RNF175: variants seen among roughly 807,000 people sequenced by gnomAD.
RNF175 encodes ring finger protein 175.
A neutral mutation model predicts 50.0 loss-of-function variants in RNF175; 38 were observed. The ratio of observed to expected loss-of-function variants is 0.76; its 90% CI spans 0.59 to 1.00. The LOEUF (loss-of-function observed/expected upper bound fraction) is 1.00, where lower values mean the gene tolerates loss of function less well. Ranked by LOEUF, RNF175 falls within the 50% of genes least tolerant of loss-of-function variation. RNF175 has a pLI of 0.00. For missense variants in RNF175, 388 were observed against 409.6 expected, an observed-to-expected ratio of 0.95 and a Z score of 0.46; for synonymous variants, 155 against 146.1, an observed-to-expected ratio of 1.06 and a Z score of -0.44.
intron 3 of RNF175, among the ~76,000 whole-genome samples, chr4:153,729,483 A>G (rs904214922): frequency 3.3e-5 from 5 of 152,214 alleles, no homozygotes; most frequent in Non-Finnish European, 7.3e-5. Context: ...CAATCTTTGC[A>G]ATAGAAAAGG....
rs921652963 is a variant in RNF175 at position 153,710,184 on chromosome 4, CTTTATTTG to C, written c.*177_*184del. The C allele has an allele frequency of 6.1e-6, 3 of 490,998 alleles. No homozygotes were observed. Among genetic ancestry groups the C allele is most frequent in the East Asian group, 6.5e-5 (2 of 30,650 alleles). The allele number at this position is 490,998 out of a possible 1,614,324, so 30.4% of individuals were successfully genotyped here. ...GTAATGGGAAAGATGAAAAAACATG[CTTTATTTG>C]TTTATTCCATTGTTCAGCTTCTCTT... is the stretch of plus-strand genomic sequence containing the variant. On this transcript the variant is annotated 3_prime_UTR_variant, in exon 9 of 9. Coordinates refer to ENST00000347063, the MANE Select transcript of RNF175 (RefSeq NM_173662.4).
At chr4:153,720,741 A>C (rs1317333265) in intron 5 of RNF175, 2 of 160,216 alleles carry the variant, frequency 1.2e-5, no homozygotes, top group Non-Finnish European at 2.8e-5. Flanking sequence ...GAAGATTTAA[A>C]AGCACATTAA....
chr4:153,710,564 T>C, intron 8 of RNF175, 75 bp from the exon 9 acceptor site: 1 of 1,381,840 alleles, frequency 7.2e-7, no homozygotes. Flanking sequence ...TTTGCAAATA[T>C]AATAAACAAT....
intron 3 of RNF175, among the ~76,000 whole-genome samples, chr4:153,734,446 G>A (rs1739219246): frequency 1.3e-5 from 2 of 151,992 alleles, no homozygotes; most frequent in Non-Finnish European, 2.9e-5. Flanking sequence ...ATGAGATGAT[G>A]AGCTCCTTTT....
chr4:153,746,338 A>C (rs1011495687), intron 3 of RNF175, among the ~76,000 whole-genome samples: 10 of 152,254 alleles, frequency 6.6e-5, no homozygotes, highest in African/African-American at 2.4e-4. Context: ...ATAGTGAGGT[A>C]GGGTTTGGAA....
chr4:153,750,344 T>C (rs1371194495), intron 2 of RNF175, among the ~76,000 whole-genome samples: 1 of 152,204 alleles, frequency 6.6e-6, no homozygotes, highest in Non-Finnish European at 1.5e-5. Context: ...CCAGCATTTC[T>C]ACAGCTACTC....
chr4:153,753,827 G>A (rs1740420404), intron 1 of RNF175, among the ~76,000 whole-genome samples: 2 of 151,674 alleles, frequency 1.3e-5, no homozygotes, highest in East Asian at 2.0e-4. Flanking sequence ...TCAAAGTGCT[G>A]GGATTACAGG....
chr4:153,734,172 C>A (rs1739205700), intron 3 of RNF175, among the ~76,000 whole-genome samples: 1 of 152,144 alleles, frequency 6.6e-6, no homozygotes, highest in Non-Finnish European at 1.5e-5. Context: ...TATTTGCATG[C>A]AGGTTTTTGT....
chr4:153,755,058 G>A (rs1274160548), intron 1 of RNF175, among the ~76,000 whole-genome samples: 2 of 152,268 alleles, frequency 1.3e-5, no homozygotes, highest in Non-Finnish European at 2.9e-5. Flanking sequence ...CAGGTAGGGA[G>A]AATGTGGCTA....
chr4:153,750,665 C>CAAACAAAT (rs966785637), intron 2 of RNF175, among the ~76,000 whole-genome samples: 2 of 150,714 alleles, frequency 1.3e-5, no homozygotes, highest in African/African-American at 5.0e-5. Flanking sequence ...TTTAAACAAA[C>CAAACAAAT]AAGCAAAAAA....
chr4:153,711,599 TAGAA>T (rs1428363546), intron 8 of RNF175, among the ~76,000 whole-genome samples: 1 of 152,204 alleles, frequency 6.6e-6, no homozygotes, highest in Non-Finnish European at 1.5e-5. Flanking sequence ...AGCTATTACT[TAGAA>T]AGTACAGAAA....
chr4:153,744,351 G>A (rs1301758170), intron 3 of RNF175, among the ~76,000 whole-genome samples: 1 of 152,086 alleles, frequency 6.6e-6, no homozygotes. Context: ...GAACCCGGGA[G>A]GTGGAGGTTG....
chr4:153,756,830 G>A (rs1740589804), intron 1 of RNF175, among the ~76,000 whole-genome samples: 1 of 152,224 alleles, frequency 6.6e-6, no homozygotes, highest in Admixed American at 6.5e-5. Flanking sequence ...TACCAGCAGA[G>A]GGCAAGGGCT....
intron 3 of RNF175, 133 bp downstream of exon 3, chr4:153,748,512 T>A: frequency 1.4e-6 from 1 of 708,756 alleles, no homozygotes; most frequent in Non-Finnish European, 2.1e-6. Flanking sequence ...GAAATTGCAC[T>A]TGGTTGAGAA....
intron 3 of RNF175, among the ~76,000 whole-genome samples, chr4:153,739,807 A>T (rs1420725431): frequency 1.3e-5 from 2 of 152,130 alleles, no homozygotes; most frequent in African/African-American, 2.4e-5. Flanking sequence ...TGTGAATTTG[A>T]CATACCCAGG....
chr4:153,718,223 TTTGTTTGTTTG>T (rs1212344140), intron 6 of RNF175, among the ~76,000 whole-genome samples: 10 of 19,804 alleles, frequency 5.0e-4, no homozygotes, highest in East Asian at 3.3e-3. Flanking sequence ...TTTTTGTTTG[TTTGTTTGTTTG>T]TTTGTTTTTT....
chr4:153,732,964 C>T (rs1376914847), intron 3 of RNF175, among the ~76,000 whole-genome samples: 1 of 152,152 alleles, frequency 6.6e-6, no homozygotes, highest in Non-Finnish European at 1.5e-5. Context: ...ATAAGAATTT[C>T]CCACCTTCTT....
At chr4:153,728,893 C>G (rs1738870765) in intron 3 of RNF175, among the ~76,000 whole-genome samples, 1 of 152,202 alleles carries the variant, frequency 6.6e-6, no homozygotes, top group Admixed American at 6.5e-5. Flanking sequence ...CCTGGGATGT[C>G]TTCTGCCTGC....
chr4:153,751,892 T>C (rs547784072), intron 1 of RNF175, among the ~76,000 whole-genome samples: 1 of 152,360 alleles, frequency 6.6e-6, no homozygotes, highest in African/African-American at 2.4e-5. Flanking sequence ...ATATCTCCAA[T>C]GTCAGTGAGT....
Sources: gnomAD v4.1 joint callset for allele counts (sites outside exome capture counted in the v4.1 genomes callset) on GRCh38, gnomAD v4.1.1 for gene constraint, MANE v1.5 for transcripts, NCBI Gene and HGNC (gene_info 2026-07-23, HGNC 2026-07-21) for gene names.